MCF2L: variants seen among roughly 807,000 people sequenced by gnomAD.
MCF2L encodes the protein guanine nucleotide exchange factor DBS.
In MCF2L, 97 loss-of-function variants were observed where a neutral mutation model predicts 153.4. The ratio of observed to expected loss-of-function variants is 0.63; its 90% confidence interval spans 0.54 to 0.75. The LOEUF (loss-of-function observed/expected upper bound fraction) is 0.75, where lower values mean the gene tolerates loss of function less well. Ranked by LOEUF, MCF2L falls within the 30% of genes least tolerant of loss-of-function variation. The pLI, the probability that MCF2L is intolerant of heterozygous loss-of-function variation, is 0.00. For synonymous variants in MCF2L, 659 were observed against 632.2 expected (o/e 1.04, Z -0.64); for missense variants, 1,347 against 1,495.2 (o/e 0.90, Z 1.64).
intron 1 of MCF2L, among the ~76,000 whole-genome samples, chr13:112,974,298 G>C (rs1594429512): frequency 6.6e-6 from 1 of 152,176 alleles, no homozygotes; most frequent in African/African-American, 2.4e-5. Flanking sequence ...AAAGCCCCTT[G>C]CGTGGCTGAC....
At position 113,082,519 on chromosome 13, in the gene MCF2L, G is replaced by A. The variant is rs749481499; in HGVS notation, c.1968G>A (p.Glu656=). 2.5e-6 allele frequency: 4 copies of A among 1,613,426 alleles called. No individual in the cohort carries two copies. The highest frequency in any genetic ancestry group is 3.4e-6 in the Non-Finnish European group (4 of 1,179,420). Residue 656 remains glutamate, a synonymous_variant, in exon 17 of 30, where the codon GAG becomes GAA. Coordinates refer to ENST00000535094, the MANE Select transcript of MCF2L (RefSeq NM_001112732.3). The part of the protein sequence containing the change: ...NKKDVLFGNM[E]EIYHFHNRIF... The stretch of plus-strand genomic sequence containing the variant: ...AGGATGTTTTGTTTGGAAACATGGA[G>A]GAAATCTATCACTTCCACAACAGGT...
chr13:113,095,907 C>A, intron 27 of MCF2L: 2 of 620,042 alleles, frequency 3.2e-6, no homozygotes, highest in Non-Finnish European at 4.3e-6. Context: ...CAGACAGGAA[C>A]CTCCACTCTT....
At chr13:112,899,246 G>A (rs777500206) in intron 1 of MCF2L, among the ~76,000 whole-genome samples, 3 of 152,302 alleles carry the variant, frequency 2.0e-5, no homozygotes, top group East Asian at 1.9e-4. Flanking sequence ...TGTGCGAGGC[G>A]CCTCGCTCAG....
intron 1 of MCF2L, among the ~76,000 whole-genome samples, chr13:112,988,239 G>GT (rs375843234): frequency 8.7e-4 from 127 of 146,772 alleles, no homozygotes; most frequent in East Asian, 2.4e-3. Context: ...CGTCTACTGT[G>GT]TTTTTTTTTT....
At chr13:113,018,533 T>C (rs2084676648) in intron 2 of MCF2L, among the ~76,000 whole-genome samples, 1 of 151,892 alleles carries the variant, frequency 6.6e-6, no homozygotes, top group Non-Finnish European at 1.5e-5. Context: ...GGTTGGGGGG[T>C]GCATGGGTGC....
At position 113,046,416 on chromosome 13, in the gene MCF2L, A is replaced by G. The variant is rs896262395; in HGVS notation, c.369+1055A>G. ...CAAGCATTCCCCAGCACCAAACCCC[A>G]GTGAAGTCAGATTCTCCCAGTGAAG... On this transcript the variant is annotated intron_variant, in intron 4 of 29. Transcript: ENST00000535094. This position sits in a 1 kb window ranked among gnomAD's most constrained non-coding sequence, Gnocchi z 4.4. 1.1e-5 allele frequency: 5 copies of G among 443,480 alleles called. No individual in the cohort carries two copies. Among genetic ancestry groups the G allele is most frequent in the South Asian group, 5.1e-5 (3 of 58,294 alleles). The allele number at this position is 443,480 out of a possible 1,614,324, so 27.5% of individuals were successfully genotyped here. A position where few individuals can be genotyped will look rare whatever the true frequency, so the allele number is the denominator to read the frequency against.
At chr13:112,896,280 A>G (rs1186954121) in intron 1 of MCF2L, among the ~76,000 whole-genome samples, 2 of 151,098 alleles carry the variant, frequency 1.3e-5, no homozygotes, top group African/African-American at 5.0e-5. Flanking sequence ...CGCCCCCCCG[A>G]GGCCTCCTCC....
chr13:112,985,603 G>A, intron 1 of MCF2L: 1 of 365,244 alleles, frequency 2.7e-6, no homozygotes, highest in Middle Eastern at 4.3e-4. Flanking sequence ...AGGGCAGTCT[G>A]TGTCCCCTGT....
intron 1 of MCF2L, among the ~76,000 whole-genome samples, chr13:112,994,790 G>C (rs2083052802): frequency 6.6e-6 from 1 of 152,248 alleles, no homozygotes; most frequent in Admixed American, 6.5e-5. Flanking sequence ...CATCTACACA[G>C]GTCGGGTAGA....
intron 27 of MCF2L, chr13:113,094,909 C>A: frequency 7.8e-7 from 1 of 1,286,106 alleles, no homozygotes; most frequent in Non-Finnish European, 1.1e-6. Context: ...AGGATGCAGC[C>A]CCAGCTCCTC....
At chr13:113,048,654 G>A (rs918063223) in intron 4 of MCF2L, among the ~76,000 whole-genome samples, 1 of 152,154 alleles carries the variant, frequency 6.6e-6, no homozygotes, top group African/African-American at 2.4e-5. Context: ...ACGTTAGCCA[G>A]GATGGTCTCA....
chr13:112,933,402 T>C (rs2081483719), intron 2 of MCF2L, among the ~76,000 whole-genome samples: 4 of 152,236 alleles, frequency 2.6e-5, no homozygotes, highest in Admixed American at 2.6e-4. Context: ...GCCCTGGCTC[T>C]AGCAAGAGGC....
chr13:113,064,787 C>T lies in MCF2L; in HGVS notation c.607-149C>T, dbSNP rs572595299. 8 of 778,880 alleles carry T rather than the reference C, an allele frequency of 1.0e-5. No homozygotes were observed. Among genetic ancestry groups the T allele is most frequent in the Admixed American group, 5.5e-5 (2 of 36,050 alleles). The allele number at this position is 778,880 out of a possible 1,614,324, so 48.2% of individuals were successfully genotyped here. A position where few individuals can be genotyped will look rare whatever the true frequency, so the allele number is the denominator to read the frequency against. The stretch of plus-strand genomic sequence containing the variant: ...TCTGAAGAGGTCAAGGAGGGCAGGA[C>T]GCTATGGGAGGGCGTTCACCGTCTT... On this transcript the variant is annotated intron_variant, in intron 6 of 29. Transcript: ENST00000535094. The surrounding 1 kb of genome is among the most constrained non-coding windows in gnomAD (Gnocchi z 6.0).
intron 2 of MCF2L, among the ~76,000 whole-genome samples, chr13:112,912,921 G>A (rs2140529015): frequency 6.8e-6 from 1 of 146,536 alleles, no homozygotes; most frequent in South Asian, 2.2e-4. Flanking sequence ...TGTATGTATG[G>A]GGTGTGTCTG....
At position 113,054,758 on chromosome 13, in the gene MCF2L, T is replaced by G. The variant is rs1197422655; in HGVS notation, c.370-5835T>G. Reference sequence around the variant, plus strand: ...AAAGTTCCCAGCATGTCCTGTTGCTTTAGCTGCATTGGTAAATACATGCAG... The same window carrying G: ...AAAGTTCCCAGCATGTCCTGTTGCTGTAGCTGCATTGGTAAATACATGCAG... On this transcript the variant is annotated intron_variant, in intron 4 of 29. Transcript: ENST00000535094. This position sits in a 1 kb window ranked among gnomAD's most constrained non-coding sequence, Gnocchi z 5.2. 1 of 152,192 alleles carries G rather than the reference T, an allele frequency of 6.6e-6. No individual in the cohort carries two copies. Among genetic ancestry groups the G allele is most frequent in the East Asian group, 1.9e-4 (1 of 5,196 alleles). 9.4% of individuals were successfully genotyped at this position (152,192 alleles called of 1,614,324 possible).
intron 1 of MCF2L, among the ~76,000 whole-genome samples, chr13:112,998,074 C>T (rs1183788679): frequency 2.6e-5 from 4 of 152,242 alleles, no homozygotes; most frequent in African/African-American, 9.6e-5. Flanking sequence ...TGGGCACCTG[C>T]TGGGCTCAAA....
rs139444736 is a variant in MCF2L, at chr13:113,089,673, C to T, written c.2898C>T (p.Ser966=). Residue 966 remains serine (S), a synonymous_variant, in exon 26 of 30, where the codon AGC becomes AGT. Transcript: ENST00000535094. ...AAGAAAGGAAAACAGACCCCCTAAG[C>T]CTGGAGGGATACGTCAGCTCAGCGC... ...KLEERKTDPL[S]LEGYVSSAPL... is the part of the protein sequence containing the mutation. 4.8e-5 allele frequency: 77 copies of T among 1,613,942 alleles called. No homozygotes were observed. The African/African-American group carries it at 8.3e-4, about 17-fold the overall frequency.
chr13:112,901,343 G>C (rs531144080), intron 1 of MCF2L, among the ~76,000 whole-genome samples: 14 of 152,118 alleles, frequency 9.2e-5, no homozygotes, highest in African/African-American at 3.4e-4. Context: ...TAGTAGAGAC[G>C]GGGTTTCGGC....
At chr13:113,029,334 T>A (rs764523356) in intron 3 of MCF2L, among the ~76,000 whole-genome samples, 1 of 152,176 alleles carries the variant, frequency 6.6e-6, no homozygotes, top group African/African-American at 2.4e-5. Flanking sequence ...ATTGAGCATG[T>A]CCTTCCAGAG....
Sources: gnomAD v4.1 joint callset for allele counts (sites outside exome capture counted in the v4.1 genomes callset) on GRCh38, gnomAD v4.1.1 for gene constraint, Gnocchi (gnomAD v3.1) non-coding constraint, MANE v1.5 for transcripts, NCBI Gene and HGNC (gene_info 2026-07-23, HGNC 2026-07-21) for gene names.